MAP3K20: variants seen among roughly 807,000 people sequenced by gnomAD.
The protein encoded by MAP3K20 is mitogen-activated protein kinase kinase kinase 20.
A neutral mutation model predicts 85.7 loss-of-function variants in MAP3K20; 40 were observed. That is an observed-to-expected ratio of 0.47 (90% CI 0.36 to 0.61). The LOEUF (loss-of-function observed/expected upper bound fraction) is 0.61, where lower values mean the gene tolerates loss of function less well. Ranked by LOEUF, MAP3K20 falls within the 20% of genes least tolerant of loss-of-function variation. The pLI is 0.00. For synonymous variants in MAP3K20, 325 were observed against 327.7 expected (o/e 0.99, Z 0.09); for missense variants, 817 against 961.7 (o/e 0.85, Z 1.99).
chr2:173,203,343 T>A (rs1393095213), intron 8 of MAP3K20, among the ~76,000 whole-genome samples: 5 of 152,214 alleles, frequency 3.3e-5, no homozygotes, highest in African/African-American at 9.6e-5. Context: ...GTAGAGTTTT[T>A]AAAATTATCT....
At chr2:173,122,576 G>A (rs1157568067) in intron 2 of MAP3K20, among the ~76,000 whole-genome samples, 1 of 152,058 alleles carries the variant, frequency 6.6e-6, no homozygotes, top group Non-Finnish European at 1.5e-5. Context: ...AAGGGTTATG[G>A]GACAATACAC....
Position 173,232,218 on chromosome 2 carries a change from A to G in MAP3K20, c.1059A>G (p.Arg353=). ...DVYCWVQQLV[R]KGDSSAEMSV... is the part of the protein sequence containing the mutation. ...ATTGTTGGGTTCAGCAGCTCGTCAG[A>G]AAAGGCAAGTGGAATAAGTTACCTT... is the stretch of plus-strand genomic sequence containing the variant. The change falls in exon 13 of 20, where the codon AGA becomes AGG. Residue 353 remains arginine, a synonymous_variant. Transcript: ENST00000375213. 1 of 1,614,224 alleles carries G rather than the reference A, an allele frequency of 6.2e-7. No homozygotes were observed. Among genetic ancestry groups the G allele is most frequent in the Non-Finnish European group, 8.5e-7 (1 of 1,180,030 alleles).
intron 2 of MAP3K20, among the ~76,000 whole-genome samples, chr2:173,109,403 C>T (rs184755075): frequency 6.6e-6 from 1 of 152,152 alleles, no homozygotes; most frequent in East Asian, 1.9e-4. Context: ...TAGGTGAAAA[C>T]CAGTACTTGT....
In MAP3K20 at chr2:173,148,379, T is replaced by G. The variant is rs1251743368; in HGVS notation, c.160-21426T>G. Among the ~76,000 whole-genome samples, 3 of 152,226 alleles carry G rather than the reference T, an allele frequency of 2.0e-5. No individual in the cohort carries two copies. The East Asian group carries it at 5.8e-4, about 29-fold the overall frequency. On this transcript the variant is annotated intron_variant, in intron 2 of 19. Transcript: ENST00000375213. ...TTTTATGCTATGAGAGGTAGGCTGT[T>G]TCATGGCTTTCAGTCTAGGTTAAGT...
intron 16 of MAP3K20, among the ~76,000 whole-genome samples, chr2:173,251,507 G>C (rs1276458844): frequency 6.6e-6 from 1 of 152,168 alleles, no homozygotes; most frequent in Non-Finnish European, 1.5e-5. Flanking sequence ...GGGTAAGGCT[G>C]CGAGGATTAA....
intron 3 of MAP3K20, among the ~76,000 whole-genome samples, chr2:173,171,333 CTGA>C (rs1181657475): frequency 6.6e-6 from 1 of 152,158 alleles, no homozygotes; most frequent in Non-Finnish European, 1.5e-5. Flanking sequence ...TCGTTTGTGG[CTGA>C]TGTTATTCCT....
intron 2 of MAP3K20, among the ~76,000 whole-genome samples, chr2:173,102,018 C>T (rs1223437872): frequency 1.3e-5 from 2 of 152,196 alleles, no homozygotes; most frequent in African/African-American, 2.4e-5. Flanking sequence ...TTCCTGGTCC[C>T]TGCCTCCGGG....
intron 2 of MAP3K20, among the ~76,000 whole-genome samples, chr2:173,127,797 AAG>A (rs1235658514): frequency 6.6e-6 from 1 of 152,120 alleles, no homozygotes; most frequent in Non-Finnish European, 1.5e-5. Context: ...AACCAATAAT[AAG>A]AATACCTGCA....
At chr2:173,140,491 G>C (rs758274287) in intron 2 of MAP3K20, among the ~76,000 whole-genome samples, 2 of 152,020 alleles carry the variant, frequency 1.3e-5, no homozygotes, top group Non-Finnish European at 2.9e-5. Context: ...GCTGGGATTA[G>C]AGGCATGCAC....
In MAP3K20 at chr2:173,200,097, G is replaced by T. The variant is rs141677253; in HGVS notation, c.669+1985G>T. ...GTTAGTTGAAAAAAGCCTACATGGT[G>T]AAATACATTTTCTCAACTTTCTAAT... is the stretch of plus-strand genomic sequence containing the variant. On this transcript the variant is annotated intron_variant, in intron 8 of 19. Transcript: ENST00000375213. 3.4e-3 allele frequency among the ~76,000 whole-genome samples: 512 copies of T among 152,256 alleles called. 2 individuals carry two copies. The highest frequency in any genetic ancestry group is 6.8e-3 in the Middle Eastern group (2 of 294).
chr2:173,162,621 G>C lies in MAP3K20; in HGVS notation c.160-7184G>C, dbSNP rs189728590. 3.9e-3 allele frequency among the ~76,000 whole-genome samples: 594 copies of C among 151,166 alleles called. 4 individuals carry two copies. Among genetic ancestry groups the C allele is most frequent in the African/African-American group, 0.014 (559 of 41,026 alleles). ...GAATCGCTTGAACCCAGGAGGCGGAGGTTGCAGTGAGTCAAGATTGCGCCA... is the reference window on the plus strand; with the variant it reads ...GAATCGCTTGAACCCAGGAGGCGGACGTTGCAGTGAGTCAAGATTGCGCCA... On this transcript the variant is annotated intron_variant, in intron 2 of 19. Transcript: ENST00000375213.
intron 2 of MAP3K20, among the ~76,000 whole-genome samples, chr2:173,117,172 C>A (rs1031403341): frequency 7.9e-5 from 12 of 152,298 alleles, no homozygotes; most frequent in Admixed American, 7.8e-4. Context: ...TAAATTTTAT[C>A]CATAAAGCAA....
chr2:173,196,875 G>C (rs1445451556), intron 7 of MAP3K20, among the ~76,000 whole-genome samples: 1 of 152,016 alleles, frequency 6.6e-6, no homozygotes, highest in African/African-American at 2.4e-5. Flanking sequence ...ATTAAAAGGA[G>C]TCAAGAGCCT....
chr2:173,149,341 A>G lies in MAP3K20; in HGVS notation c.160-20464A>G, dbSNP rs1689228856. On this transcript the variant is annotated intron_variant, in intron 2 of 19. Coordinates refer to ENST00000375213, the MANE Select transcript of MAP3K20 (RefSeq NM_016653.3). ...CACCTTGGGTTGGATCCTGAAATGC[A>G]GAGAGGACATTAGTGGAGAAAATGG... Among the ~76,000 whole-genome samples the G allele has an allele frequency of 3.3e-5, 5 of 152,188 alleles. 1 individual carries two copies. In the South Asian group the frequency reaches 1.0e-3, roughly 31 times the overall value.
At position 173,217,166 on chromosome 2, in the gene MAP3K20, C is replaced by T; in HGVS notation, c.903C>T (p.Leu301=). 1 of 1,606,460 alleles carries T rather than the reference C, an allele frequency of 6.2e-7. No individual in the cohort carries two copies. Among genetic ancestry groups the T allele is most frequent in the African/African-American group, 1.3e-5 (1 of 74,702 alleles). Residue 301 remains leucine, a synonymous_variant, in exon 11 of 20, where the codon CTC becomes CTT. Transcript: ENST00000375213. The part of the protein sequence containing the change: ...LERLKKLERD[L]SFKEQELKER... ...GGCTAAAGAAACTAGAGCGTGATCT[C>T]AGCTTTAAGGAGCAGGAGCTTAAAG...
At chr2:173,257,199 TAA>T (rs1685181413) in intron 16 of MAP3K20, among the ~76,000 whole-genome samples, 1 of 152,052 alleles carries the variant, frequency 6.6e-6, no homozygotes, top group African/African-American at 2.4e-5. Context: ...TAAAATTAAT[TAA>T]AAAGAGAAAT....
intron 11 of MAP3K20, 47 bp from the exon 12 acceptor site, chr2:173,229,642 T>A (rs760876056): frequency 6.2e-7 from 1 of 1,610,540 alleles, no homozygotes; most frequent in Non-Finnish European, 8.5e-7. Flanking sequence ...AAAAAGACAA[T>A]GATAATATTA....
intron 8 of MAP3K20, among the ~76,000 whole-genome samples, chr2:173,200,466 T>A (rs1228437649): frequency 1.3e-5 from 2 of 152,244 alleles, no homozygotes; most frequent in African/African-American, 4.8e-5. Flanking sequence ...GTCGTATTTT[T>A]AACAGGCCTC....
At chr2:173,078,408 T>G (rs1407413679) in intron 1 of MAP3K20, among the ~76,000 whole-genome samples, 3 of 152,226 alleles carry the variant, frequency 2.0e-5, no homozygotes, top group African/African-American at 7.2e-5. Flanking sequence ...CACCTTTTGG[T>G]CTTACTGCAA....
Sources: allele counts gnomAD v4.1 joint callset (sites outside exome capture counted in the v4.1 genomes callset), GRCh38; gene constraint gnomAD v4.1.1; transcripts MANE v1.5; gene names NCBI Gene and HGNC (gene_info 2026-07-23, HGNC 2026-07-21).